HSPB1: variants seen among roughly 807,000 people sequenced by gnomAD.
HSPB1 encodes the protein heat shock protein beta-1.
Under a neutral mutation model 17.0 loss-of-function variants are expected in HSPB1, and 19 were observed. The observed-to-expected ratio is 1.12, with a 90% CI of 0.78 to 1.64. The LOEUF is 1.64. Ranked by LOEUF, HSPB1 falls within the 40% of genes most tolerant of loss-of-function variation. The pLI is 0.00. For synonymous variants in HSPB1, 165 were observed against 129.8 expected (o/e 1.27, Z -1.84); for missense variants, 348 against 289.2 (o/e 1.20, Z -1.47).
In HSPB1 at chr7:76,304,130, G is replaced by C; in HGVS notation, c.575G>C (p.Gly192Ala). 3 of 1,612,574 alleles carry C rather than the reference G, an allele frequency of 1.9e-6. No individual in the cohort carries two copies. The highest frequency in any genetic ancestry group is 2.5e-6 in the Non-Finnish European group (3 of 1,179,492). Reference sequence around the variant, plus strand: ...ACCTTCGAGTCGCGGGCCCAGCTTGGGGGCCCAGAAGCTGCAAAATCCGAT... The same window carrying C: ...ACCTTCGAGTCGCGGGCCCAGCTTGCGGGCCCAGAAGCTGCAAAATCCGAT... ...PVTFESRAQLGGPEAAKSDET... is the reference protein window; with the variant it reads ...PVTFESRAQLAGPEAAKSDET... The change falls in exon 3 of 3, where the codon GGG becomes GCG. Residue 192 changes from glycine to alanine, a missense_variant. By Grantham distance (60) the Gly-to-Ala change is moderately conservative. Transcript: ENST00000248553.
rs7805625 is a variant in HSPB1 at position 76,303,993 on chromosome 7, C to T, written c.438C>T (p.Pro146=). The part of the protein sequence containing the change: ...RCFTRKYTLP[P]GVDPTQVSSS... ...CTCTCTGCACGTCCAGGCTGCCCCC[C>T]GGTGTGGACCCCACCCAAGTTTCCT... Residue 146 remains proline, a synonymous_variant, in exon 3 of 3, where the codon CCC becomes CCT. Transcript: ENST00000248553. The T allele has an allele frequency of 9.4e-5, 151 of 1,613,824 alleles. 1 individual carries two copies. The African/African-American group carries it at 1.6e-3, about 17-fold the overall frequency.
chr7:76,303,698 C>T, intron 1 of HSPB1, 104 bp from the exon 2 acceptor site: 2 of 907,090 alleles, frequency 2.2e-6, no homozygotes, highest in South Asian at 1.4e-5. Context: ...TCCCTACCAG[C>T]CTGCAGTCCT....
In HSPB1 at chr7:76,302,702, AG is replaced by A. The variant is rs1156698550; in HGVS notation, c.-10del. 1 of 1,599,714 alleles carries A rather than the reference AG, an allele frequency of 6.3e-7. No individual in the cohort carries two copies. The highest frequency in any genetic ancestry group is 1.3e-5 in the African/African-American group (1 of 74,878). ...TTTTCTGAGCAGACGTCCAGAGCAG[AG>A]TCAGCCAGCATGACCGAGCGCCGCG... On this transcript the variant is annotated 5_prime_UTR_variant, in exon 1 of 3. Coordinates refer to ENST00000248553, the MANE Select transcript of HSPB1 (RefSeq NM_001540.5).
At position 76,304,086 on chromosome 7, in the gene HSPB1, C is replaced by G. The variant is rs754873919; in HGVS notation, c.531C>G (p.Asn177Lys). 3.7e-6 allele frequency: 6 copies of G among 1,613,806 alleles called. No homozygotes were observed. The highest frequency in any genetic ancestry group is 2.7e-5 in the African/African-American group (2 of 75,048). ...TGCCCAAGCTAGCCACGCAGTCCAA[C>G]GAGATCACCATCCCAGTCACCTTCG... Reference protein sequence around the residue: ...APMPKLATQSNEITIPVTFES... With the variant: ...APMPKLATQSKEITIPVTFES... The change falls in exon 3 of 3, where the codon AAC becomes AAG. Residue 177 changes from asparagine to lysine, a missense_variant. Transcript: ENST00000248553.
chr7:76,303,480 C>G (rs974175446), intron 1 of HSPB1: 6 of 556,846 alleles, frequency 1.1e-5, no homozygotes, highest in Non-Finnish European at 1.6e-5. Context: ...AGCCCCATCC[C>G]CAGATAAGCG....
rs1361323525 is a variant in HSPB1, at chr7:76,303,287, G to A, written c.364+211G>A. ...TCTGCTCTGTAATCCCAGCGCTTTG[G>A]GAGGCCGAGACGGGAGGATCGCTTG... On this transcript the variant is annotated intron_variant, in intron 1 of 2. Transcript: ENST00000248553. 4 of 591,146 alleles carry A rather than the reference G, an allele frequency of 6.8e-6. No homozygotes were observed. In the African/African-American group the frequency reaches 7.7e-5, roughly 11 times the overall value. 36.6% of individuals were successfully genotyped at this position (591,146 alleles called of 1,614,324 possible). A position where few individuals can be genotyped will look rare whatever the true frequency, so the allele number is the denominator to read the frequency against.
intron 1 of HSPB1, 199 bp downstream of exon 1, chr7:76,303,275 C>T: frequency 3.2e-6 from 2 of 626,970 alleles, no homozygotes; most frequent in Non-Finnish European, 5.3e-6. Context: ...GCTCTGTAAT[C>T]CCAGCGCTTT....
In HSPB1 at chr7:76,302,987, C is replaced by T. The variant is rs771014888; in HGVS notation, c.275C>T (p.Ala92Val). 3.2e-6 allele frequency: 5 copies of T among 1,543,614 alleles called. No homozygotes were observed. In the South Asian group the frequency reaches 5.9e-5, roughly 18 times the overall value. ...GGGGTCTCGGAGATCCGGCACACTG[C>T]GGACCGCTGGCGCGTGTCCCTGGAT... ...SSGVSEIRHT[A>V]DRWRVSLDVN... is the part of the protein sequence containing the mutation. The change falls in exon 1 of 3, where the codon GCG (alanine) becomes GTG (valine). Residue 92 changes from alanine to valine, a missense_variant. Coordinates refer to ENST00000248553, the MANE Select transcript of HSPB1 (RefSeq NM_001540.5).
At chr7:76,303,750 G>C in intron 1 of HSPB1, 52 bp from the exon 2 acceptor site, 2 of 1,553,466 alleles carry the variant, frequency 1.3e-6, no homozygotes, top group Non-Finnish European at 1.8e-6. Context: ...GCCTAGCGGG[G>C]CCGAAAGGCA....
At chr7:76,303,548 C>T (rs1052886963) in intron 1 of HSPB1, 3 of 586,464 alleles carry the variant, frequency 5.1e-6, no homozygotes, top group Non-Finnish European at 9.2e-6. Context: ...TGCGCGGCTC[C>T]AAGTGCGCCT....
At position 76,303,738 on chromosome 7, in the gene HSPB1, T is replaced by C. The variant is rs1207236629; in HGVS notation, c.365-64T>C. 7 of 1,479,154 alleles carry C rather than the reference T, an allele frequency of 4.7e-6. No homozygotes were observed. In the Admixed American group the frequency reaches 6.7e-5, roughly 14 times the overall value. The allele number at this position is 1,479,154 out of a possible 1,614,324, so 91.6% of individuals were successfully genotyped here. On this transcript the variant is annotated intron_variant, in intron 1 of 2. Coordinates refer to ENST00000248553, the MANE Select transcript of HSPB1 (RefSeq NM_001540.5). ...GCTTCCAAGCAGGAGGTGGGGCCTCTGGCCTAGCGGGGCCGAAAGGCAGTC... is the reference window on the plus strand; with the variant it reads ...GCTTCCAAGCAGGAGGTGGGGCCTCCGGCCTAGCGGGGCCGAAAGGCAGTC...
In HSPB1 at chr7:76,303,859, A is replaced by G; in HGVS notation, c.422A>G (p.Lys141Arg). Reference sequence around the variant, plus strand: ...TACATCTCCCGGTGCTTCACGCGGAAATACACGTGAGTCCTGGCGCCAGGT... The same window carrying G: ...TACATCTCCCGGTGCTTCACGCGGAGATACACGTGAGTCCTGGCGCCAGGT... ...HGYISRCFTR[K>R]YTLPPGVDPT... Residue 141 changes from lysine (K) to arginine (R), a missense_variant, in exon 2 of 3, where the codon AAA becomes AGA. Lys to Arg is a conservative substitution (Grantham distance 26, BLOSUM62 2). Coordinates refer to ENST00000248553, the MANE Select transcript of HSPB1 (RefSeq NM_001540.5). The G allele has an allele frequency of 1.2e-6, 2 of 1,608,546 alleles. No homozygotes were observed. Among genetic ancestry groups the G allele is most frequent in the Non-Finnish European group, 1.7e-6 (2 of 1,178,434 alleles).
At chr7:76,303,449 C>G (rs1803043478) in intron 1 of HSPB1, 1 of 506,928 alleles carries the variant, frequency 2.0e-6, no homozygotes, top group South Asian at 2.5e-5. Context: ...CGCTTTTCTA[C>G]AGAGTCCCCT....
Position 76,304,160 on chromosome 7 carries a change from C to G in HSPB1, c.605C>G (p.Thr202Ser). ...GGPEAAKSDE[T>S]AAK ...CCAGAAGCTGCAAAATCCGATGAGA[C>G]TGCCGCCAAGTAAAGCCTTAGCCCG... Residue 202 changes from threonine to serine, a missense_variant, in exon 3 of 3, where the codon ACT becomes AGT. Coordinates refer to ENST00000248553, the MANE Select transcript of HSPB1 (RefSeq NM_001540.5). 1 of 1,611,124 alleles carries G rather than the reference C, an allele frequency of 6.2e-7. No individual in the cohort carries two copies. The highest frequency in any genetic ancestry group is 1.1e-5 in the South Asian group (1 of 90,574).
At position 76,302,709 on chromosome 7, in the gene HSPB1, C is replaced by T. The variant is rs372833436; in HGVS notation, c.-4C>T. On this transcript the variant is annotated 5_prime_UTR_variant, in exon 1 of 3. Coordinates refer to ENST00000248553, the MANE Select transcript of HSPB1 (RefSeq NM_001540.5). The stretch of plus-strand genomic sequence containing the variant: ...AGCAGACGTCCAGAGCAGAGTCAGC[C>T]AGCATGACCGAGCGCCGCGTCCCCT... 76 of 1,600,724 alleles carry T rather than the reference C, an allele frequency of 4.7e-5. No homozygotes were observed. The South Asian group carries it at 6.5e-4, about 14-fold the overall frequency.
chr7:76,303,747 G>A (rs1490157295), intron 1 of HSPB1, 55 bp from the exon 2 acceptor site: 8 of 1,533,736 alleles, frequency 5.2e-6, no homozygotes, highest in Non-Finnish European at 7.2e-6. Context: ...CTGGCCTAGC[G>A]GGGCCGAAAG....
Position 76,304,045 on chromosome 7 carries a change from A to C in HSPB1, c.490A>C (p.Thr164Pro), listed in dbSNP as rs1032400275. 1 of 1,613,578 alleles carries C rather than the reference A, an allele frequency of 6.2e-7. No homozygotes were observed. The change falls in exon 3 of 3, where the codon ACC becomes CCC. Residue 164 changes from threonine to proline, a missense_variant. Thr to Pro is a conservative substitution (Grantham distance 38). Transcript: ENST00000248553. ...CTCCCTGTCCCCTGAGGGCACACTG[A>C]CCGTGGAGGCCCCCATGCCCAAGCT... Reference protein sequence around the residue: ...SSSLSPEGTLTVEAPMPKLAT... With the variant: ...SSSLSPEGTLPVEAPMPKLAT...
chr7:76,303,384 CA>C (rs546337268), intron 1 of HSPB1: 391 of 459,062 alleles, frequency 8.5e-4, no homozygotes, highest in South Asian at 1.5e-3. Flanking sequence ...CGCGCCATTA[CA>C]AAAAAAAAGC....
chr7:76,303,459 T>G (rs1803044003), intron 1 of HSPB1: 1 of 510,920 alleles, frequency 2.0e-6, no homozygotes, highest in Non-Finnish European at 3.5e-6. Flanking sequence ...CAGAGTCCCC[T>G]TCCCACCCAC....
Sources: gnomAD v4.1 joint callset for allele counts on GRCh38, gnomAD v4.1.1 for gene constraint, MANE v1.5 for transcripts, NCBI Gene and HGNC (gene_info 2026-07-23, HGNC 2026-07-21) for gene names.